Variants in CUL3 observed in about 807,000 individuals in gnomAD.
CUL3 encodes the protein cullin-3.
In CUL3, 19 loss-of-function variants were observed where a neutral mutation model predicts 89.1. The ratio of observed to expected loss-of-function variants is 0.21; its 90% CI spans 0.15 to 0.31. The LOEUF (loss-of-function observed/expected upper bound fraction) is 0.31. Among genes scored for constraint, CUL3 ranks in the 10% least tolerant of loss-of-function variants. The pLI is 1.00. For missense variants in CUL3, 469 were observed against 942.3 expected, an observed-to-expected ratio of 0.50 and a Z score of 6.58; for synonymous variants, 351 against 308.4, an observed-to-expected ratio of 1.14 and a Z score of -1.45.
intron 14 of CUL3, among the ~76,000 whole-genome samples, chr2:224,480,315 G>A (rs1411891929): frequency 2.0e-5 from 3 of 152,242 alleles, no homozygotes; most frequent in Middle Eastern, 6.8e-3. Flanking sequence ...GCCTTTGACA[G>A]TAAAACCAAT....
chr2:224,581,055 T>C (rs1695424735), intron 1 of CUL3, among the ~76,000 whole-genome samples: 1 of 152,152 alleles, frequency 6.6e-6, no homozygotes, highest in African/African-American at 2.4e-5. Context: ...ATATTTTACA[T>C]TTGCTATGGC....
chr2:224,553,145 A>G (rs1694577407), intron 2 of CUL3, among the ~76,000 whole-genome samples: 1 of 152,244 alleles, frequency 6.6e-6, no homozygotes, highest in African/African-American at 2.4e-5. Flanking sequence ...ATCAGTTAAT[A>G]GTTCTTTCGA....
At chr2:224,551,068 CTTTT>C (rs771053112) in intron 2 of CUL3, among the ~76,000 whole-genome samples, 1 of 141,338 alleles carries the variant, frequency 7.1e-6, no homozygotes, top group African/African-American at 2.6e-5. Flanking sequence ...TAGCCTCCAG[CTTTT>C]TTTTTTTTTT....
intron 10 of CUL3, 123 bp downstream of exon 10, chr2:224,502,842 A>G (rs961944748): frequency 6.8e-5 from 46 of 680,544 alleles, no homozygotes; most frequent in Admixed American, 1.3e-4. Flanking sequence ...ACTCACAGAT[A>G]AAACACATGT....
rs2106203581 is a variant in CUL3, at chr2:224,506,091, C to T, written c.1071G>A (p.Leu357=). 6.2e-7 allele frequency: 1 copy of T among 1,608,286 alleles called. No homozygotes were observed. Among genetic ancestry groups the T allele is most frequent in the South Asian group, 1.1e-5 (1 of 89,704 alleles). ...DLKSRFDRFL[L]ESFNNDRLFK... ...AGAGACGGTCATTGTTGAATGATTCCAGGAGGAAGCGATCGAACCTACTCT... is the reference window on the plus strand; with the variant it reads ...AGAGACGGTCATTGTTGAATGATTCTAGGAGGAAGCGATCGAACCTACTCT... The change falls in exon 8 of 16, where the codon CTG becomes CTA. Residue 357 remains leucine (L), a synonymous_variant. Coordinates refer to ENST00000264414, the MANE Select transcript of CUL3 (RefSeq NM_003590.5).
chr2:224,538,491 G>A (rs1170951933), intron 2 of CUL3, among the ~76,000 whole-genome samples: 1 of 152,144 alleles, frequency 6.6e-6, no homozygotes, highest in Non-Finnish European at 1.5e-5. Flanking sequence ...TATGGTGGGA[G>A]GGATAACATT....
intron 2 of CUL3, among the ~76,000 whole-genome samples, chr2:224,539,996 G>GT (rs1405113515): frequency 4.0e-5 from 6 of 150,846 alleles, no homozygotes; most frequent in South Asian, 2.1e-4. Flanking sequence ...TACAGGGGGG[G>GT]AGGCTGTGCA....
intron 8 of CUL3, chr2:224,504,134 T>G (rs1402816651): frequency 5.1e-6 from 1 of 196,524 alleles, no homozygotes; most frequent in Non-Finnish European, 1.0e-5. Context: ...TGAAATGAAA[T>G]TTTAGTCACA....
At chr2:224,542,041 C>A (rs563034161) in intron 2 of CUL3, among the ~76,000 whole-genome samples, 5 of 152,264 alleles carry the variant, frequency 3.3e-5, no homozygotes, top group Admixed American at 3.3e-4. Context: ...TTTTATTATA[C>A]ACTAATTTTT....
intron 9 of CUL3, 32 bp downstream of exon 9, chr2:224,503,620 G>A (rs1360054012): frequency 7.3e-6 from 11 of 1,507,374 alleles, no homozygotes; most frequent in Non-Finnish European, 9.8e-6. Context: ...CCTCAGTTAG[G>A]TGCACTCTAT....
At chr2:224,506,347 C>T (rs1455910321) in intron 7 of CUL3, among the ~76,000 whole-genome samples, 1 of 151,994 alleles carries the variant, frequency 6.6e-6, no homozygotes, top group Admixed American at 6.6e-5. Flanking sequence ...TGTATTAATA[C>T]AATGCAAACG....
chr2:224,499,792 C>A, intron 11 of CUL3: 1 of 212,554 alleles, frequency 4.7e-6, no homozygotes, highest in South Asian at 8.7e-5. Flanking sequence ...CACTCATCTT[C>A]ATCCCTAGTG....
intron 3 of CUL3, among the ~76,000 whole-genome samples, chr2:224,520,744 C>T (rs1157431908): frequency 6.6e-6 from 1 of 152,156 alleles, no homozygotes; most frequent in Non-Finnish European, 1.5e-5. Context: ...CCAGAAGACA[C>T]GAGGACACCA....
intron 6 of CUL3, among the ~76,000 whole-genome samples, chr2:224,509,373 T>G (rs887744945): frequency 4.5e-4 from 68 of 152,198 alleles, no homozygotes; most frequent in Admixed American, 5.9e-4. Context: ...TGTGCCATCA[T>G]GCCCAGCTAA....
At chr2:224,556,290 G>A (rs1442790491) in intron 2 of CUL3, 1 of 151,982 alleles carries the variant, frequency 6.6e-6, no homozygotes, top group South Asian at 2.1e-4. Context: ...AGGGAAAAAA[G>A]GTACCTTTAC....
At chr2:224,522,769 AG>A (rs1191847402) in intron 3 of CUL3, among the ~76,000 whole-genome samples, 1 of 151,754 alleles carries the variant, frequency 6.6e-6, no homozygotes, top group Non-Finnish European at 1.5e-5. Flanking sequence ...CGGAGCTTGC[AG>A]TGAGTCAAGA....
intron 1 of CUL3, among the ~76,000 whole-genome samples, chr2:224,579,205 C>T (rs1695380057): frequency 6.6e-6 from 1 of 151,876 alleles, no homozygotes; most frequent in South Asian, 2.1e-4. Context: ...ACAGCTATGA[C>T]AATACTGGCT....
intron 1 of CUL3, among the ~76,000 whole-genome samples, chr2:224,566,730 C>T (rs913143129): frequency 2.6e-5 from 4 of 152,162 alleles, no homozygotes; most frequent in Admixed American, 2.6e-4. Flanking sequence ...CTTCCTTTGA[C>T]TTTGTCATAT....
At chr2:224,515,762 C>G (rs550847714) in intron 3 of CUL3, among the ~76,000 whole-genome samples, 113 of 151,568 alleles carry the variant, frequency 7.5e-4, no homozygotes, top group Middle Eastern at 6.8e-3. Context: ...GTGGTGCCAT[C>G]TCGGCTCACT....
Sources: gnomAD v4.1 joint callset for allele counts (sites outside exome capture counted in the v4.1 genomes callset) on GRCh38, gnomAD v4.1.1 for gene constraint, MANE v1.5 for transcripts, NCBI Gene and HGNC (gene_info 2026-07-23, HGNC 2026-07-21) for gene names.